RAD51B: variants seen among roughly 807,000 people sequenced by gnomAD.
RAD51B encodes the protein DNA repair protein RAD51 homolog 2.
Under a neutral mutation model 42.2 loss-of-function variants are expected in RAD51B, and 38 were observed. The observed-to-expected ratio is 0.90, with a 90% confidence interval of 0.70 to 1.18. The LOEUF (loss-of-function observed/expected upper bound fraction) is 1.18. Among genes scored for constraint, RAD51B ranks in the 50% most tolerant of loss-of-function variants. The probability of loss-of-function intolerance (pLI) is 0.00; values close to 1 mark genes in which losing one functional copy is unlikely to be tolerated. For synonymous variants in RAD51B, 154 were observed against 145.2 expected, an observed-to-expected ratio of 1.06 and a Z score of -0.43; for missense variants, 373 against 400.7, an observed-to-expected ratio of 0.93 and a Z score of 0.59.
At chr14:68,512,746 AT>A (rs1419107149) in intron 10 of RAD51B, among the ~76,000 whole-genome samples, 1 of 152,164 alleles carries the variant, frequency 6.6e-6, no homozygotes, top group East Asian at 1.9e-4. Context: ...CTTAGTATGG[AT>A]GACAGTAAGC....
chr14:68,374,504 T>C (rs984136053), intron 8 of RAD51B, among the ~76,000 whole-genome samples: 1 of 152,128 alleles, frequency 6.6e-6, no homozygotes, highest in Admixed American at 6.6e-5. Flanking sequence ...GAGGCAAAGT[T>C]TCCTTGGCAA....
At chr14:67,961,236 G>A (rs2074659883) in intron 7 of RAD51B, among the ~76,000 whole-genome samples, 1 of 152,010 alleles carries the variant, frequency 6.6e-6, no homozygotes, top group Non-Finnish European at 1.5e-5. Context: ...AAACTTCTGG[G>A]CTCAAGCAAT....
chr14:68,189,679 T>G (rs2079225034), intron 7 of RAD51B, among the ~76,000 whole-genome samples: 1 of 152,076 alleles, frequency 6.6e-6, no homozygotes, highest in Admixed American at 6.6e-5. Context: ...ATTATTATTA[T>G]TATTTGTGAT....
rs1054181160 is a variant in RAD51B, at chr14:68,370,095, C to T, written c.854-41329C>T. Among the ~76,000 whole-genome samples the T allele has an allele frequency of 6.6e-5, 10 of 152,260 alleles. No homozygotes were observed. In the East Asian group the frequency reaches 1.5e-3, roughly 24 times the overall value. On this transcript the variant is annotated intron_variant, in intron 8 of 10. Coordinates refer to ENST00000471583, the MANE Select transcript of RAD51B (RefSeq NM_133510.4). ...AGTGTTCCATTAGTGGAACACTAAG[C>T]TTGTGGGAGTTATTTATATCCTCAT...
intron 7 of RAD51B, among the ~76,000 whole-genome samples, chr14:68,121,253 A>C (rs1010845758): frequency 1.3e-5 from 2 of 152,222 alleles, no homozygotes; most frequent in Non-Finnish European, 2.9e-5. Flanking sequence ...AAAGCTTTGC[A>C]ACCAGACTTA....
chr14:68,303,997 C>T (rs1039279678), intron 8 of RAD51B, among the ~76,000 whole-genome samples: 1 of 152,096 alleles, frequency 6.6e-6, no homozygotes, highest in Non-Finnish European at 1.5e-5. Flanking sequence ...TGGCGAAACA[C>T]CATCTCTATG....
At chr14:68,047,719 A>G (rs1334596082) in intron 7 of RAD51B, among the ~76,000 whole-genome samples, 2 of 152,208 alleles carry the variant, frequency 1.3e-5, no homozygotes, top group Non-Finnish European at 2.9e-5. Flanking sequence ...GAGGGTGGGT[A>G]TAGTTATACC....
chr14:67,998,368 C>T lies in RAD51B; in HGVS notation c.756+111164C>T, dbSNP rs551292058. On this transcript the variant is annotated intron_variant, in intron 7 of 10. Coordinates refer to ENST00000471583, the MANE Select transcript of RAD51B (RefSeq NM_133510.4). The stretch of plus-strand genomic sequence containing the variant: ...CCTGAATCATCAGAATCGTCTATTT[C>T]GGAAAAATTAGATTCAGCCAATAAC... 1.0e-3 allele frequency among the ~76,000 whole-genome samples: 158 copies of T among 152,186 alleles called. 1 individual carries two copies. The highest frequency in any genetic ancestry group is 3.5e-3 in the African/African-American group (145 of 41,528).
At position 68,447,486 on chromosome 14, in the gene RAD51B, A is replaced by G. The variant is rs1370578095; in HGVS notation, c.958-20686A>G. On this transcript the variant is annotated intron_variant, in intron 9 of 10. Transcript: ENST00000471583. ...TTATTATTCACCTCCACCACAGTAG[A>G]GAGAAAAAAAAAAAGCATGAAACTT... Among the ~76,000 whole-genome samples, 3 of 358 alleles carry G rather than the reference A, an allele frequency of 8.4e-3. No individual in the cohort carries two copies. In the South Asian group the frequency reaches 0.25, roughly 30 times the overall value. The allele number at this position is 358 out of a possible 152,430, so 0.2% of individuals were successfully genotyped here.
At chr14:68,616,259 T>G (rs761889363), downstream of RAD51B, among the ~76,000 whole-genome samples, 3 of 138,882 alleles carry the variant, frequency 2.2e-5, no homozygotes, top group African/African-American at 5.4e-5. Flanking sequence ...TTATTTTCCT[T>G]CTTTGTAAAA....
chr14:68,088,864 A>G (rs1358950980), intron 7 of RAD51B, among the ~76,000 whole-genome samples: 1 of 152,146 alleles, frequency 6.6e-6, no homozygotes, highest in Non-Finnish European at 1.5e-5. Flanking sequence ...TGAACACCTT[A>G]AATGCCCTTC....
downstream of RAD51B, among the ~76,000 whole-genome samples, chr14:68,481,821 A>G (rs901393005): frequency 6.6e-6 from 1 of 152,222 alleles, no homozygotes; most frequent in African/African-American, 2.4e-5. Flanking sequence ...AATACTACAC[A>G]CACAATAGTA....
In RAD51B at chr14:68,350,735, T is replaced by C. The variant is rs1352256865; in HGVS notation, c.853+58755T>C. ...AGGGGAGATGGTGGTTGCCCCAGGA[T>C]ATCTAACTCCCTCTGCCTCTATTCA... is the stretch of plus-strand genomic sequence containing the variant. On this transcript the variant is annotated intron_variant, in intron 8 of 10. Transcript: ENST00000471583. Among the ~76,000 whole-genome samples the C allele has an allele frequency of 6.6e-5, 10 of 152,360 alleles. 1 individual carries two copies. The South Asian group carries it at 2.1e-3, about 32-fold the overall frequency.
At chr14:68,326,915 ATCTGAGACCT>A (rs2082262173) in intron 8 of RAD51B, among the ~76,000 whole-genome samples, 1 of 151,996 alleles carries the variant, frequency 6.6e-6, no homozygotes, top group African/African-American at 2.4e-5. Flanking sequence ...GCCTAGCAGG[ATCTGAGACCT>A]TCCATCAAGA....
Position 68,280,519 on chromosome 14 carries a change from G to A in RAD51B, c.757-11365G>A, listed in dbSNP as rs137930874. Among the ~76,000 whole-genome samples, 775 of 152,200 alleles carry A rather than the reference G, an allele frequency of 5.1e-3. 4 individuals carry two copies. The highest frequency in any genetic ancestry group is 7.2e-3 in the Non-Finnish European group (491 of 67,992). ...TCATCTTTACAACCAGGATGATAACGTTTACCTCACTGAGTTGTGAGGATA... is the reference window on the plus strand; with the variant it reads ...TCATCTTTACAACCAGGATGATAACATTTACCTCACTGAGTTGTGAGGATA... On this transcript the variant is annotated intron_variant, in intron 7 of 10. Coordinates refer to ENST00000471583, the MANE Select transcript of RAD51B (RefSeq NM_133510.4).
intron 10 of RAD51B, among the ~76,000 whole-genome samples, chr14:68,553,658 A>G (rs1888686297): frequency 7.0e-6 from 1 of 142,024 alleles, no homozygotes; most frequent in Admixed American, 7.4e-5. Flanking sequence ...AGAGGCCATT[A>G]GCACAGATGT....
intron 10 of RAD51B, among the ~76,000 whole-genome samples, chr14:68,555,605 G>A (rs1416300934): frequency 6.6e-6 from 1 of 152,318 alleles, no homozygotes; most frequent in East Asian, 1.9e-4. Context: ...ATCCTGGGCT[G>A]TTTGCTCACT....
At chr14:68,114,944 G>T (rs1421793814) in intron 7 of RAD51B, among the ~76,000 whole-genome samples, 3 of 151,502 alleles carry the variant, frequency 2.0e-5, no homozygotes, top group Non-Finnish European at 4.4e-5. Context: ...TACACTGTTG[G>T]TGGGACTGTA....
At position 68,244,869 on chromosome 14, in the gene RAD51B, C is replaced by G. The variant is rs190207270; in HGVS notation, c.757-47015C>G. 3.1e-4 allele frequency among the ~76,000 whole-genome samples: 47 copies of G among 152,174 alleles called. 1 individual carries two copies. Among genetic ancestry groups the G allele is most frequent in the African/African-American group, 1.1e-3 (46 of 41,518 alleles). ...ATGGATTTCCTAGACTTTCCCATAA[C>G]AAAAATGGCAAGGCACAGGTGTTGT... On this transcript the variant is annotated intron_variant, in intron 7 of 10. Coordinates refer to ENST00000471583, the MANE Select transcript of RAD51B (RefSeq NM_133510.4).
Sources: gnomAD v4.1 joint callset for allele counts (sites outside exome capture counted in the v4.1 genomes callset) on GRCh38, gnomAD v4.1.1 for gene constraint, MANE v1.5 for transcripts, NCBI Gene and HGNC (gene_info 2026-07-23, HGNC 2026-07-21) for gene names.